COG6: variants seen among roughly 807,000 people sequenced by gnomAD.
COG6 encodes conserved oligomeric Golgi complex subunit 6.
COG6 carries 74 observed loss-of-function variants against 88.8 expected under a neutral mutation model. The ratio of observed to expected loss-of-function variants is 0.83; its 90% CI spans 0.69 to 1.01. The LOEUF (loss-of-function observed/expected upper bound fraction) is 1.01. COG6 is among the 50% of genes least tolerant of loss of function. The pLI is 0.00. For synonymous variants in COG6, 286 were observed against 278.7 expected (o/e 1.03, Z -0.26); for missense variants, 800 against 797.9 (o/e 1.00, Z -0.03).
intron 13 of COG6, 88 bp downstream of exon 13, chr13:39,699,706 C>T: frequency 2.7e-6 from 2 of 736,698 alleles, no homozygotes; most frequent in South Asian, 3.0e-5. Flanking sequence ...GATAACTTTT[C>T]CCATTACATT....
chr13:39,717,530 G>T (rs1878593714), intron 13 of COG6, among the ~76,000 whole-genome samples: 1 of 151,498 alleles, frequency 6.6e-6, no homozygotes, highest in Non-Finnish European at 1.5e-5. Context: ...TAATCTTTAA[G>T]TTCCTGTCTT....
chr13:39,730,514 G>A (rs544970291), intron 18 of COG6, among the ~76,000 whole-genome samples: 66 of 151,976 alleles, frequency 4.3e-4, no homozygotes, highest in African/African-American at 1.6e-3. Flanking sequence ...TTCACTGAAT[G>A]CCTGTAATCC....
intron 18 of COG6, among the ~76,000 whole-genome samples, chr13:39,749,789 A>G (rs1055349046): frequency 2.0e-5 from 3 of 152,174 alleles, no homozygotes; most frequent in Non-Finnish European, 4.4e-5. Flanking sequence ...GAATAGTGAT[A>G]GGGAAAGTGT....
Position 39,712,008 on chromosome 13 carries a change from C to T in COG6, c.1285-7228C>T, listed in dbSNP as rs563072086. On this transcript the variant is annotated intron_variant, in intron 13 of 18. Coordinates refer to ENST00000455146, the MANE Select transcript of COG6 (RefSeq NM_020751.3). ...CCGAGTGGCTACGATTACAGGTATG[C>T]GCCACCATGCCCAGCTAATTTTTGT... Among the ~76,000 whole-genome samples the T allele has an allele frequency of 1.6e-4, 25 of 152,154 alleles. No individual in the cohort carries two copies. In the South Asian group the frequency reaches 3.3e-3, roughly 20 times the overall value.
exon 19 of COG6, chr13:39,788,395 C>A: frequency 6.5e-7 from 1 of 1,548,640 alleles, no homozygotes; most frequent in Admixed American, 2.0e-5. Flanking sequence ...GCTTCTGGAG[C>A]CATTCCAGTT....
At chr13:39,722,715 A>T (rs573380053) in intron 15 of COG6, among the ~76,000 whole-genome samples, 61 of 152,020 alleles carry the variant, frequency 4.0e-4, no homozygotes, top group African/African-American at 1.4e-3. Context: ...CATTAGCATT[A>T]GTTGGAATCC....
Position 39,687,787 on chromosome 13 carries a change from G to GTAA in COG6, c.998_1000dup (p.Val333_Thr334insIle). 1 of 1,612,698 alleles carries GTAA rather than the reference G, an allele frequency of 6.2e-7. No homozygotes were observed. The highest frequency in any genetic ancestry group is 1.1e-5 in the South Asian group (1 of 91,038). The stretch of plus-strand genomic sequence containing the variant: ...ACACCTTGAAGCTCTCTTAAAGCAT[G>GTAA]TAACTACACAAGGTGGGTCCACCAA... On this transcript the variant is annotated inframe_insertion, in exon 10 of 19. Coordinates refer to ENST00000455146, the MANE Select transcript of COG6 (RefSeq NM_020751.3).
intron 13 of COG6, among the ~76,000 whole-genome samples, chr13:39,702,706 G>T (rs1366208373): frequency 6.6e-6 from 1 of 151,962 alleles, no homozygotes; most frequent in Non-Finnish European, 1.5e-5. Context: ...ATGAGATAAA[G>T]AAATGAATTG....
rs2137993550 is a variant in COG6 at position 39,682,444 on chromosome 13, C to A, written c.788+180C>A. 2.5e-5 allele frequency: 14 copies of A among 567,342 alleles called. No homozygotes were observed. The South Asian group carries it at 2.8e-4, about 11-fold the overall frequency. The allele number at this position is 567,342 out of a possible 1,614,324, so 35.1% of individuals were successfully genotyped here. A position where few individuals can be genotyped will look rare whatever the true frequency, so the allele number is the denominator to read the frequency against. ...GGGGTATCAGCTTATTTGAATTTTA[C>A]ATACTATAGAATACAATATGGAAAG... On this transcript the variant is annotated intron_variant, in intron 8 of 18. Coordinates refer to ENST00000455146, the MANE Select transcript of COG6 (RefSeq NM_020751.3).
At chr13:39,768,875 A>G (rs74044165) in intron 18 of COG6, among the ~76,000 whole-genome samples, 1,814 of 152,122 alleles carry the variant, frequency 0.012, 32 homozygotes, top group African/African-American at 0.042. Context: ...AGAGGGAAGC[A>G]TTTGCTTGAA....
rs1452908903 is a variant in COG6 at position 39,751,373 on chromosome 13, A to G, written c.*280A>G. ...GCAGTTTTCACTGTATTCAGGAAGCATAAAGTAGTATGAAAGGTTTGAAGA... is the reference window on the plus strand; with the variant it reads ...GCAGTTTTCACTGTATTCAGGAAGCGTAAAGTAGTATGAAAGGTTTGAAGA... On this transcript the variant is annotated 3_prime_UTR_variant, in exon 19 of 19. Transcript: ENST00000455146. The G allele has an allele frequency of 2.2e-6, 3 of 1,392,508 alleles. No homozygotes were observed. Among genetic ancestry groups the G allele is most frequent in the Non-Finnish European group, 2.8e-6 (3 of 1,060,186 alleles). The allele number at this position is 1,392,508 out of a possible 1,614,324, so 86.3% of individuals were successfully genotyped here.
chr13:39,728,280 T>G (rs1296776431), intron 18 of COG6, among the ~76,000 whole-genome samples: 3 of 152,132 alleles, frequency 2.0e-5, no homozygotes, highest in Non-Finnish European at 2.9e-5. Flanking sequence ...TACATTGAAA[T>G]GTACAGTAAG....
intron 13 of COG6, among the ~76,000 whole-genome samples, chr13:39,711,042 C>CT (rs139957012): frequency 0.07 from 10,410 of 148,846 alleles, 433 homozygotes; most frequent in Non-Finnish European, 0.1. Context: ...CCATGTTTAT[C>CT]TTTTTTTTTT....
intron 18 of COG6, among the ~76,000 whole-genome samples, chr13:39,763,846 T>G (rs2138167585): frequency 6.6e-6 from 1 of 152,040 alleles, no homozygotes; most frequent in East Asian, 1.9e-4. Context: ...ACATCTTTGT[T>G]CATGAGAAAG....
At chr13:39,778,539 A>G (rs1881535996) in intron 18 of COG6, among the ~76,000 whole-genome samples, 1 of 152,250 alleles carries the variant, frequency 6.6e-6, no homozygotes, top group Non-Finnish European at 1.5e-5. Flanking sequence ...AGTAACGTGT[A>G]GATTCTGCCT....
At chr13:39,758,017 C>G (rs542447379) in intron 18 of COG6, among the ~76,000 whole-genome samples, 10 of 151,984 alleles carry the variant, frequency 6.6e-5, no homozygotes, top group African/African-American at 2.4e-4. Context: ...GTCAAGAGAT[C>G]GAGACCATCC....
intron 18 of COG6, among the ~76,000 whole-genome samples, chr13:39,737,358 A>G (rs919122272): frequency 3.9e-5 from 6 of 152,062 alleles, no homozygotes; most frequent in African/African-American, 1.4e-4. Context: ...AGGGCTCTGC[A>G]GTCCGCAAGT....
intron 11 of COG6, among the ~76,000 whole-genome samples, chr13:39,691,533 GA>G (rs1250736458): frequency 6.6e-6 from 1 of 151,896 alleles, no homozygotes; most frequent in African/African-American, 2.4e-5. Context: ...TCCATATGAT[GA>G]TAATATGTAT....
intron 17 of COG6, among the ~76,000 whole-genome samples, chr13:39,724,894 CTT>C (rs1879050997): frequency 6.6e-6 from 1 of 151,924 alleles, no homozygotes; most frequent in Non-Finnish European, 1.5e-5. Flanking sequence ...TCATTATAAA[CTT>C]ATTACTACCT....
Sources: allele counts gnomAD v4.1 joint callset (sites outside exome capture counted in the v4.1 genomes callset), GRCh38; gene constraint gnomAD v4.1.1; transcripts MANE v1.5; gene names NCBI Gene and HGNC (gene_info 2026-07-23, HGNC 2026-07-21).